GOSR2: variants seen among roughly 807,000 people sequenced by gnomAD.
GOSR2 encodes golgi SNAP receptor complex member 2.
A neutral mutation model predicts 27.9 loss-of-function variants in GOSR2; 20 were observed. That is an observed-to-expected ratio of 0.72 (90% CI 0.50 to 1.04). GOSR2 has a LOEUF of 1.04. Among genes scored for constraint, GOSR2 ranks in the 50% least tolerant of loss-of-function variants. GOSR2 has a pLI of 0.00. For synonymous variants in GOSR2, 91 were observed against 98.8 expected, an observed-to-expected ratio of 0.92 and a Z score of 0.47; for missense variants, 261 against 270.5, an observed-to-expected ratio of 0.97 and a Z score of 0.25.
chr17:46,934,676 A>G (rs1022077018), intron 4 of GOSR2, among the ~76,000 whole-genome samples: 1 of 152,266 alleles, frequency 6.6e-6, no homozygotes, highest in Non-Finnish European at 1.5e-5. Flanking sequence ...ATTTGGAACC[A>G]GCTAGGTTAG....
At chr17:46,966,068 A>T (rs150113914) in intron 6 of GOSR2, among the ~76,000 whole-genome samples, 1 of 152,270 alleles carries the variant, frequency 6.6e-6, no homozygotes, top group Non-Finnish European at 1.5e-5. Context: ...ATCTACTTAT[A>T]ATATGTCTAA....
rs1051866419 is a variant in GOSR2 at position 46,931,312 on chromosome 17, G to A, written c.203+105G>A. On this transcript the variant is annotated intron_variant, in intron 3 of 5. Coordinates refer to ENST00000640051, the MANE Select transcript of GOSR2 (RefSeq NM_004287.5). ...TATTCTGAAAACCAACGTACATGTT[G>A]AAAAACTATGACTATGCAAAGAAAA... 8.2e-6 allele frequency: 6 copies of A among 727,998 alleles called. No homozygotes were observed. The Admixed American group carries it at 1.0e-4, about 12-fold the overall frequency. 45.1% of individuals were successfully genotyped at this position (727,998 alleles called of 1,614,324 possible).
chr17:46,965,617 T>C (rs1403211339), intron 6 of GOSR2, among the ~76,000 whole-genome samples: 1 of 66,048 alleles, frequency 1.5e-5, no homozygotes, highest in Non-Finnish European at 3.2e-5. Context: ...CCAGCAATGC[T>C]ATGCCTTCTC....
downstream of GOSR2, among the ~76,000 whole-genome samples, chr17:46,970,891 A>G (rs975042553): frequency 6.6e-6 from 1 of 152,236 alleles, no homozygotes; most frequent in Non-Finnish European, 1.5e-5. Flanking sequence ...CTAGAATAAC[A>G]TTTTCTGGAG....
chr17:46,927,391 C>T (rs556231035), intron 1 of GOSR2, among the ~76,000 whole-genome samples: 2 of 152,150 alleles, frequency 1.3e-5, no homozygotes, highest in African/African-American at 4.8e-5. Context: ...ATGTATCCAT[C>T]TTTTTCTTTG....
At chr17:46,953,354 A>G (rs775438675) in intron 6 of GOSR2, among the ~76,000 whole-genome samples, 1 of 152,178 alleles carries the variant, frequency 6.6e-6, no homozygotes, top group South Asian at 2.1e-4. Context: ...AGCTTCATCC[A>G]TGTCCCTACA....
chr17:46,949,349 T>A (rs9898981), intron 6 of GOSR2: 1 of 151,764 alleles, frequency 6.6e-6, no homozygotes, highest in Non-Finnish European at 1.5e-5. Flanking sequence ...GTTCCAAGAG[T>A]GAGTATCCCA....
rs1452033748 is a variant in GOSR2 at position 46,939,752 on chromosome 17, C to T, written c.*992C>T. On this transcript the variant is annotated 3_prime_UTR_variant, in exon 6 of 6. Coordinates refer to ENST00000640051, the MANE Select transcript of GOSR2 (RefSeq NM_004287.5). ...GTAGTGTGTATGTCCTTGTAACACT[C>T]TGTTTTCAGGGACTACAACCTTTTT... 4 of 987,214 alleles carry T rather than the reference C, an allele frequency of 4.1e-6. No individual in the cohort carries two copies. The highest frequency in any genetic ancestry group is 4.8e-6 in the Non-Finnish European group (4 of 831,228). The allele number at this position is 987,214 out of a possible 1,614,324, so 61.2% of individuals were successfully genotyped here. A position where few individuals can be genotyped will look rare whatever the true frequency, so the allele number is the denominator to read the frequency against.
chr17:46,934,377 C>G (rs1411085106), intron 4 of GOSR2, among the ~76,000 whole-genome samples: 1 of 152,124 alleles, frequency 6.6e-6, no homozygotes, highest in Non-Finnish European at 1.5e-5. Flanking sequence ...AAGAAAAAAG[C>G]TGGGCATGGT....
chr17:46,931,963 G>C, intron 3 of GOSR2, 104 bp from the exon 4 acceptor site: 1 of 957,290 alleles, frequency 1.0e-6, no homozygotes, highest in Non-Finnish European at 1.7e-6. Flanking sequence ...GGTGGTGTAG[G>C]GAGAAGTAAG....
chr17:46,964,112 C>G (rs1415405924), intron 6 of GOSR2: 1 of 152,250 alleles, frequency 6.6e-6, no homozygotes, highest in Non-Finnish European at 1.5e-5. Context: ...TTGGTATGGG[C>G]TCTCCTTTCC....
chr17:46,936,315 G>A (rs1306174522), intron 5 of GOSR2: 2 of 985,396 alleles, frequency 2.0e-6, no homozygotes, highest in Non-Finnish European at 2.4e-6. Context: ...TGAAGAGCCA[G>A]TGGGGGTTAG....
chr17:46,940,612 G>GA lies in GOSR2; in HGVS notation c.*1853dup. Reference sequence around the variant, plus strand: ...GGAGGAAGGTCTGCAGGGAGCAGCTGAGCCATTTGTTCTTGAACTCTGGGA... The same window carrying GA: ...GGAGGAAGGTCTGCAGGGAGCAGCTGAAGCCATTTGTTCTTGAACTCTGGGA... On this transcript the variant is annotated 3_prime_UTR_variant, in exon 6 of 6. Coordinates refer to ENST00000640051, the MANE Select transcript of GOSR2 (RefSeq NM_004287.5). 4 of 1,614,144 alleles carry GA rather than the reference G, an allele frequency of 2.5e-6. No individual in the cohort carries two copies. The highest frequency in any genetic ancestry group is 3.4e-6 in the Non-Finnish European group (4 of 1,180,020).
chr17:46,957,255 A>G, intron 6 of GOSR2, among the ~76,000 whole-genome samples: 1 of 152,170 alleles, frequency 6.6e-6, no homozygotes, highest in East Asian at 1.9e-4. Flanking sequence ...CAGTGAGCTG[A>G]GTTTACATCA....
At chr17:46,953,378 C>T (rs1369075479) in intron 6 of GOSR2, among the ~76,000 whole-genome samples, 2 of 152,152 alleles carry the variant, frequency 1.3e-5, no homozygotes, top group Admixed American at 6.5e-5. Context: ...AATATGAGCT[C>T]ATCATTTTTT....
chr17:46,967,971 G>A (rs2091352696), downstream of GOSR2, among the ~76,000 whole-genome samples: 1 of 152,206 alleles, frequency 6.6e-6, no homozygotes, highest in Admixed American at 6.5e-5. Context: ...GGCAGAGTCA[G>A]ACAGGGTTTC....
intron 6 of GOSR2, among the ~76,000 whole-genome samples, chr17:46,954,809 A>T (rs551550354): frequency 3.0e-4 from 46 of 152,220 alleles, no homozygotes; most frequent in Non-Finnish European, 5.3e-4. Context: ...GAGTTCACTC[A>T]TGATTTGGCT....
chr17:46,931,992 A>C, intron 3 of GOSR2, 75 bp from the exon 4 acceptor site: 1 of 1,322,222 alleles, frequency 7.6e-7, no homozygotes, highest in Admixed American at 1.7e-5. Context: ...GTCTTTCCTC[A>C]GTACAAAGCC....
exon 7 of GOSR2, chr17:46,975,416 C>T (rs1159291931): frequency 6.6e-6 from 1 of 152,292 alleles, no homozygotes; most frequent in Non-Finnish European, 1.5e-5. Context: ...TCGGATGGCT[C>T]AGGATTCTGC....
Sources: gnomAD v4.1 joint callset for allele counts (sites outside exome capture counted in the v4.1 genomes callset) on GRCh38, gnomAD v4.1.1 for gene constraint, MANE v1.5 for transcripts, NCBI Gene and HGNC (gene_info 2026-07-23, HGNC 2026-07-21) for gene names.